Variants in C19orf44 observed in about 807,000 individuals in gnomAD.
The protein encoded by C19orf44 is chromosome 19 open reading frame 44.
A neutral mutation model predicts 50.7 loss-of-function variants in C19orf44; 43 were observed. The observed-to-expected ratio is 0.85, with a 90% CI of 0.66 to 1.09. The LOEUF (loss-of-function observed/expected upper bound fraction) is 1.09, where lower values mean the gene tolerates loss of function less well. C19orf44 is among the 50% of genes least tolerant of loss of function. C19orf44 has a pLI of 0.00. For synonymous variants in C19orf44, 298 were observed against 334.7 expected, an observed-to-expected ratio of 0.89 and a Z score of 1.20; for missense variants, 722 against 836.2, an observed-to-expected ratio of 0.86 and a Z score of 1.68.
chr19:16,511,991 G>A (rs893227859), intron 5 of C19orf44, among the ~76,000 whole-genome samples: 3 of 146,312 alleles, frequency 2.1e-5, no homozygotes. Flanking sequence ...CCCCAGCCTG[G>A]GCGACAGAGT....
chr19:16,514,414 G>A, intron 6 of C19orf44, 83 bp from the exon 7 acceptor site: 1 of 1,376,740 alleles, frequency 7.3e-7, no homozygotes, highest in Non-Finnish European at 9.8e-7. Context: ...TCAGAGAGCA[G>A]CCTGGCACCT....
At position 16,500,850 on chromosome 19, in the gene C19orf44, G is replaced by A; in HGVS notation, c.58G>A (p.Asp20Asn). 1 of 1,610,088 alleles carries A rather than the reference G, an allele frequency of 6.2e-7. No individual in the cohort carries two copies. Among genetic ancestry groups the A allele is most frequent in the Non-Finnish European group, 8.5e-7 (1 of 1,178,888 alleles). Residue 20 changes from aspartate to asparagine, a missense_variant, in exon 2 of 9, where the codon GAT becomes AAT. Coordinates refer to ENST00000221671, the MANE Select transcript of C19orf44 (RefSeq NM_032207.4). ...GCGTGATGTTTTTGGTGACTTCAGT[G>A]ATGTTTCCTTGGAAGATTCAACAAT... Reference protein sequence around the residue: ...PMRDVFGDFSDVSLEDSTMEE... With the variant: ...PMRDVFGDFSNVSLEDSTMEE...
chr19:16,510,049 C>A (rs763818017), intron 5 of C19orf44, 61 bp downstream of exon 5: 1 of 1,611,522 alleles, frequency 6.2e-7, no homozygotes, highest in Non-Finnish European at 8.5e-7. Context: ...GTGTGGTTTA[C>A]AGCATCCTGG....
intron 5 of C19orf44, 39 bp downstream of exon 5, chr19:16,510,027 C>G: frequency 1.9e-6 from 3 of 1,613,824 alleles, no homozygotes; most frequent in Non-Finnish European, 1.7e-6. Context: ...GCAGCCGGGA[C>G]AGGAGCTCAG....
chr19:16,514,433 G>GA (rs2093465960), intron 6 of C19orf44, 64 bp from the exon 7 acceptor site: 1 of 1,452,640 alleles, frequency 6.9e-7, no homozygotes, highest in African/African-American at 1.5e-5. Flanking sequence ...CTGAGCGGTG[G>GA]GGGGGGGGCT....
chr19:16,510,366 A>C (rs545246995), intron 5 of C19orf44, among the ~76,000 whole-genome samples: 1 of 152,110 alleles, frequency 6.6e-6, no homozygotes, highest in East Asian at 1.9e-4. Context: ...ATGCCCCTGC[A>C]CTCCAGCCTG....
At chr19:16,507,994 A>G (rs1162943153) in intron 4 of C19orf44, among the ~76,000 whole-genome samples, 3 of 150,408 alleles carry the variant, frequency 2.0e-5, no homozygotes, top group African/African-American at 4.9e-5. Context: ...TTTAGTAGAG[A>G]TGGGGTTTCA....
Position 16,520,312 on chromosome 19 carries a change from G to T in C19orf44, c.*259G>T. The T allele has an allele frequency of 6.2e-7, 1 of 1,610,788 alleles. No homozygotes were observed. Among genetic ancestry groups the T allele is most frequent in the Non-Finnish European group, 8.5e-7 (1 of 1,177,730 alleles). On this transcript the variant is annotated 3_prime_UTR_variant, in exon 9 of 9. Transcript: ENST00000221671. The surrounding 1 kb of genome is among the most constrained non-coding windows in gnomAD (Gnocchi z 4.0). ...GGTCAGCAGCAGCCAGGCGTCGTGGGGAGGCCACAGGAAGAGGCCTCAGGC... is the reference window on the plus strand; with the variant it reads ...GGTCAGCAGCAGCCAGGCGTCGTGGTGAGGCCACAGGAAGAGGCCTCAGGC...
Position 16,514,566 on chromosome 19 carries a change from A to C in C19orf44, c.1805A>C (p.Gln602Pro). ...DVLKQQLSLT[Q>P]QFIQASRHLH... ...CTGAAGCAGCAGCTGAGCCTGACGCAGCAGTTCATCCAGGCCAGCCGGCAC... is the reference window on the plus strand; with the variant it reads ...CTGAAGCAGCAGCTGAGCCTGACGCCGCAGTTCATCCAGGCCAGCCGGCAC... The change falls in exon 7 of 9, where the codon CAG becomes CCG. Residue 602 changes from glutamine (Q) to proline (P), a missense_variant. Coordinates refer to ENST00000221671, the MANE Select transcript of C19orf44 (RefSeq NM_032207.4). The C allele has an allele frequency of 1.2e-6, 2 of 1,611,288 alleles. No individual in the cohort carries two copies. The highest frequency in any genetic ancestry group is 1.7e-6 in the Non-Finnish European group (2 of 1,179,526).
chr19:16,519,014 C>T lies in C19orf44; in HGVS notation c.*41-1080C>T. On this transcript the variant is annotated intron_variant, in intron 8 of 8. Coordinates refer to ENST00000221671, the MANE Select transcript of C19orf44 (RefSeq NM_032207.4). The surrounding 1 kb of genome is among the most constrained non-coding windows in gnomAD (Gnocchi z 6.0). ...GCACGGCGTTCCCACTGGGCATGCG[C>T]TGGTCTTCCTTCTCTTCCTGTGGCT... 1.3e-6 allele frequency: 1 copy of T among 783,726 alleles called. No individual in the cohort carries two copies. The highest frequency in any genetic ancestry group is 1.8e-5 in the South Asian group (1 of 54,984). The allele number at this position is 783,726 out of a possible 1,614,324, so 48.5% of individuals were successfully genotyped here.
intron 3 of C19orf44, among the ~76,000 whole-genome samples, chr19:16,503,968 G>A (rs2093432921): frequency 6.6e-6 from 1 of 151,918 alleles, no homozygotes; most frequent in East Asian, 1.9e-4. Context: ...GCCTAGGCAG[G>A]AGGAGTTTGA....
chr19:16,505,299 C>T (rs558601420), intron 3 of C19orf44, among the ~76,000 whole-genome samples: 174 of 151,960 alleles, frequency 1.1e-3, no homozygotes, highest in African/African-American at 4.0e-3. Flanking sequence ...CTGCAACTTC[C>T]GCCTCCGAGA....
chr19:16,505,088 A>AT (rs2093437167), intron 3 of C19orf44, among the ~76,000 whole-genome samples: 1 of 151,914 alleles, frequency 6.6e-6, no homozygotes, highest in African/African-American at 2.4e-5. Flanking sequence ...AAGTGCTAGG[A>AT]TTACAGGCGT....
At chr19:16,510,780 A>G (rs1335860412) in intron 5 of C19orf44, among the ~76,000 whole-genome samples, 2 of 151,926 alleles carry the variant, frequency 1.3e-5, no homozygotes, top group African/African-American at 4.8e-5. Context: ...ATGTTGCCCA[A>G]GCTGGAGTAC....
chr19:16,507,930 A>G (rs890508382), intron 4 of C19orf44, among the ~76,000 whole-genome samples: 5 of 151,606 alleles, frequency 3.3e-5, no homozygotes, highest in Non-Finnish European at 7.4e-5. Context: ...CAGCCTCCCG[A>G]GCAGCTGGGA....
chr19:16,518,258 G>C (rs1314045849), intron 8 of C19orf44: 2 of 152,004 alleles, frequency 1.3e-5, no homozygotes, highest in Non-Finnish European at 2.9e-5. Context: ...GCGCTGGCTG[G>C]GGTCGGGCTC....
At chr19:16,514,441 G>T in intron 6 of C19orf44, 56 bp from the exon 7 acceptor site, 4 of 1,494,306 alleles carry the variant, frequency 2.7e-6, no homozygotes, top group East Asian at 2.5e-5. Flanking sequence ...TGGGGGGGGG[G>T]CTGCAGAATT....
intron 2 of C19orf44, among the ~76,000 whole-genome samples, chr19:16,502,340 C>T (rs2122179702): frequency 6.8e-6 from 1 of 147,362 alleles, no homozygotes; most frequent in Admixed American, 6.9e-5. Flanking sequence ...TGGGTTCAAG[C>T]AATTCTTTTG....
intron 5 of C19orf44, among the ~76,000 whole-genome samples, chr19:16,512,308 C>T (rs7259026): frequency 0.16 from 24,604 of 151,960 alleles, 2,527 homozygotes; most frequent in African/African-American, 0.29. Flanking sequence ...GGCTGTTTTC[C>T]TAGACTAGGA....
Sources: gnomAD v4.1 joint callset for allele counts (sites outside exome capture counted in the v4.1 genomes callset) on GRCh38, gnomAD v4.1.1 for gene constraint, Gnocchi (gnomAD v3.1) non-coding constraint, MANE v1.5 for transcripts, NCBI Gene and HGNC (gene_info 2026-07-23, HGNC 2026-07-21) for gene names.